Variants in NUP153 observed in about 807,000 individuals in gnomAD.
NUP153 encodes nuclear pore complex protein Nup153.
Under a neutral mutation model 134.6 loss-of-function variants are expected in NUP153, and 27 were observed. The ratio of observed to expected loss-of-function variants is 0.20; its 90% CI spans 0.15 to 0.28. The LOEUF is 0.28. Among genes scored for constraint, NUP153 ranks in the 10% least tolerant of loss-of-function variants. The pLI is 1.00. For missense variants in NUP153, 1,821 were observed against 1,731.3 expected (o/e 1.05, Z -0.92); for synonymous variants, 640 against 623.5 (o/e 1.03, Z -0.40).
intron 1 of NUP153, among the ~76,000 whole-genome samples, chr6:17,702,375 CA>C (rs1770172408): frequency 6.6e-6 from 1 of 152,084 alleles, no homozygotes; most frequent in Admixed American, 6.6e-5. Flanking sequence ...GACGTGGTGG[CA>C]AGGCACCTGT....
Position 17,706,725 on chromosome 6 carries a change from ACT to A in NUP153, c.-340_-339del, listed in dbSNP as rs1439000688. Reference sequence around the variant, plus strand: ...CAGTTCCCCGCGGTGCTGAGGCCTAACTCGACCGCCGACTGGTGGGAGTTCTT... The same window carrying A: ...CAGTTCCCCGCGGTGCTGAGGCCTAACGACCGCCGACTGGTGGGAGTTCTT... On this transcript the variant is annotated 5_prime_UTR_variant, in exon 1 of 22. Transcript: ENST00000262077. This position sits in a 1 kb window ranked among gnomAD's most constrained non-coding sequence, Gnocchi z 5.9. 17 of 278,190 alleles carry A rather than the reference ACT, an allele frequency of 6.1e-5. No homozygotes were observed. The East Asian group carries it at 1.4e-3, about 22-fold the overall frequency. 17.2% of individuals were successfully genotyped at this position (278,190 alleles called of 1,614,324 possible). A position where few individuals can be genotyped will look rare whatever the true frequency, so the allele number is the denominator to read the frequency against.
intron 2 of NUP153, among the ~76,000 whole-genome samples, chr6:17,681,968 G>A (rs748810076): frequency 2.0e-5 from 3 of 151,912 alleles, no homozygotes; most frequent in Non-Finnish European, 4.4e-5. Context: ...GCACTTTTAG[G>A]AGGCTGAGGC....
intron 5 of NUP153, among the ~76,000 whole-genome samples, chr6:17,674,144 T>C (rs1346330037): frequency 6.6e-6 from 1 of 152,110 alleles, no homozygotes; most frequent in Non-Finnish European, 1.5e-5. Flanking sequence ...AGAAAACAGA[T>C]CCGTGGTTGC....
intron 1 of NUP153, among the ~76,000 whole-genome samples, chr6:17,697,314 CTACA>C: frequency 6.6e-6 from 1 of 152,282 alleles, no homozygotes; most frequent in African/African-American, 2.4e-5. Context: ...GAATTCAATA[CTACA>C]TACATATCAG....
intron 21 of NUP153, 109 bp from the exon 22 acceptor site, chr6:17,616,290 G>GGGGGGGGGGGCC: frequency 6.3e-6 from 3 of 473,854 alleles, no homozygotes; most frequent in South Asian, 2.1e-5. Context: ...GGTGGGGGGG[G>GGGGGGGGGGGCC]AGTAGACTCA....
intron 15 of NUP153, 108 bp downstream of exon 15, chr6:17,639,831 C>T (rs1765745415): frequency 1.0e-6 from 1 of 961,740 alleles, no homozygotes; most frequent in South Asian, 2.1e-5. Context: ...AAGTAAATCT[C>T]CTACCAAACT....
At chr6:17,685,435 G>A (rs1768862942) in intron 2 of NUP153, among the ~76,000 whole-genome samples, 1 of 151,906 alleles carries the variant, frequency 6.6e-6, no homozygotes, top group Non-Finnish European at 1.5e-5. Flanking sequence ...TGCAGTCCCA[G>A]CTACTTGGGA....
chr6:17,672,816 A>AT (rs1294167440), intron 5 of NUP153, among the ~76,000 whole-genome samples: 1 of 152,102 alleles, frequency 6.6e-6, no homozygotes, highest in African/African-American at 2.4e-5. Flanking sequence ...CCTACCTTTC[A>AT]TTTTTTAAAA....
chr6:17,666,984 T>C (rs1363917810), intron 8 of NUP153, among the ~76,000 whole-genome samples: 1 of 152,224 alleles, frequency 6.6e-6, no homozygotes, highest in Non-Finnish European at 1.5e-5. Flanking sequence ...ATAACATCTG[T>C]GAAACATGGG....
In NUP153 at chr6:17,706,210, G is replaced by A. The variant is rs1391348670; in HGVS notation, c.111+67C>T. On this transcript the variant is annotated intron_variant, in intron 1 of 21. Transcript: ENST00000262077. The surrounding 1 kb of genome is among the most constrained non-coding windows in gnomAD (Gnocchi z 5.9). ...GCTCCACGTGGGGCGCCGGGGCCTCGAACCGCCCGTCCCCTCCAGCCGAGT... is the reference window on the plus strand; with the variant it reads ...GCTCCACGTGGGGCGCCGGGGCCTCAAACCGCCCGTCCCCTCCAGCCGAGT... 8 of 1,347,212 alleles carry A rather than the reference G, an allele frequency of 5.9e-6. No individual in the cohort carries two copies. The highest frequency in any genetic ancestry group is 8.5e-6 in the Non-Finnish European group (8 of 945,232). The allele number at this position is 1,347,212 out of a possible 1,614,324, so 83.5% of individuals were successfully genotyped here. A position where few individuals can be genotyped will look rare whatever the true frequency, so the allele number is the denominator to read the frequency against.
intron 11 of NUP153, among the ~76,000 whole-genome samples, chr6:17,655,836 C>T (rs1200312774): frequency 6.6e-6 from 1 of 152,172 alleles, no homozygotes; most frequent in Non-Finnish European, 1.5e-5. Flanking sequence ...TATCTGACTT[C>T]TGATGCAAAC....
In NUP153 at chr6:17,615,387, TCA is replaced by T. The variant is rs1764260923; in HGVS notation, c.*708_*709del. 6.6e-6 allele frequency: 1 copy of T among 152,566 alleles called. No homozygotes were observed. Among genetic ancestry groups the T allele is most frequent in the African/African-American group, 2.4e-5 (1 of 41,422 alleles). The allele number at this position is 152,566 out of a possible 1,614,324, so 9.5% of individuals were successfully genotyped here. A position where few individuals can be genotyped will look rare whatever the true frequency, so the allele number is the denominator to read the frequency against. On this transcript the variant is annotated 3_prime_UTR_variant, in exon 22 of 22. Transcript: ENST00000262077. This position sits in a 1 kb window ranked among gnomAD's most constrained non-coding sequence, Gnocchi z 5.7. ...CTAACACAAAATTCAAATTTCAAGT[TCA>T]CAGATTTATGTTATGCCAAAAAGTA...
In NUP153 at chr6:17,706,364, G is replaced by A; in HGVS notation, c.24C>T (p.Val8=). MASGAGG[V]GGGGGGKIRT... is the part of the protein sequence containing the mutation. ...GGATCTTGCCGCCACCGCCCCCTCCGACTCCTCCGGCTCCCGAGGCCATGG... is the reference window on the plus strand; with the variant it reads ...GGATCTTGCCGCCACCGCCCCCTCCAACTCCTCCGGCTCCCGAGGCCATGG... The change falls in exon 1 of 22, where the codon GTC becomes GTT. Residue 8 remains valine, a synonymous_variant. Coordinates refer to ENST00000262077, the MANE Select transcript of NUP153 (RefSeq NM_005124.4). This position sits in a 1 kb window ranked among gnomAD's most constrained non-coding sequence, Gnocchi z 5.9. 5 of 1,612,656 alleles carry A rather than the reference G, an allele frequency of 3.1e-6. No homozygotes were observed. The highest frequency in any genetic ancestry group is 4.2e-6 in the Non-Finnish European group (5 of 1,179,568).
At chr6:17,691,383 T>C (rs1366518143) in intron 1 of NUP153, among the ~76,000 whole-genome samples, 1 of 152,220 alleles carries the variant, frequency 6.6e-6, no homozygotes, top group Non-Finnish European at 1.5e-5. Context: ...CAATATTTAA[T>C]ATTTGTAAAA....
intron 11 of NUP153, among the ~76,000 whole-genome samples, chr6:17,651,416 C>T (rs1452262161): frequency 1.3e-5 from 2 of 152,114 alleles, no homozygotes; most frequent in Non-Finnish European, 2.9e-5. Context: ...CAACAGAAAA[C>T]AGTGGATGAA....
chr6:17,640,620 T>C (rs1054837776), intron 14 of NUP153, among the ~76,000 whole-genome samples: 2 of 152,192 alleles, frequency 1.3e-5, no homozygotes, highest in African/African-American at 2.4e-5. Flanking sequence ...ACAGAAATCA[T>C]TCTTTTTCAA....
At chr6:17,699,709 C>T (rs1179155900) in intron 1 of NUP153, among the ~76,000 whole-genome samples, 4 of 151,792 alleles carry the variant, frequency 2.6e-5, no homozygotes, top group African/African-American at 9.7e-5. Flanking sequence ...GTGGCACACA[C>T]CTGTAACCCC....
At chr6:17,631,568 C>T (rs1348082811) in intron 17 of NUP153, among the ~76,000 whole-genome samples, 1 of 152,188 alleles carries the variant, frequency 6.6e-6, no homozygotes, top group Non-Finnish European at 1.5e-5. Flanking sequence ...TATTTAGCTA[C>T]AACTTATAAG....
rs752002430 is a variant in NUP153, at chr6:17,661,708, C to T, written c.1340G>A (p.Gly447Asp). ...GCGTGTTCTTTCTCGTCTCATCTTG[C>T]CACCTCCACCACCTACTCCAGAAGA... Reference protein sequence around the residue: ...GLSSGVGGGGGKMRRERTRFV... With the variant: ...GLSSGVGGGGDKMRRERTRFV... Residue 447 changes from glycine to aspartate, a missense_variant, in exon 11 of 22, where the codon GGC becomes GAC. Coordinates refer to ENST00000262077, the MANE Select transcript of NUP153 (RefSeq NM_005124.4). The T allele has an allele frequency of 6.2e-7, 1 of 1,613,798 alleles. No individual in the cohort carries two copies. Among genetic ancestry groups the T allele is most frequent in the Non-Finnish European group, 8.5e-7 (1 of 1,179,900 alleles).
Sources: gnomAD v4.1 joint callset for allele counts (sites outside exome capture counted in the v4.1 genomes callset) on GRCh38, gnomAD v4.1.1 for gene constraint, Gnocchi (gnomAD v3.1) non-coding constraint, MANE v1.5 for transcripts, NCBI Gene and HGNC (gene_info 2026-07-23, HGNC 2026-07-21) for gene names.